Variants in CFI observed in about 807,000 individuals in gnomAD.
CFI encodes the protein complement factor I, also known as C3B/C4B inactivator.
Under a neutral mutation model 78.8 loss-of-function variants are expected in CFI, and 66 were observed. That is an observed-to-expected ratio of 0.84 (90% CI 0.69 to 1.03). The LOEUF is 1.03. Ranked by LOEUF, CFI falls within the 50% of genes least tolerant of loss-of-function variation. The pLI is 0.00. For synonymous variants in CFI, 250 were observed against 232.6 expected, an observed-to-expected ratio of 1.07 and a Z score of -0.68; for missense variants, 706 against 704.5, an observed-to-expected ratio of 1.00 and a Z score of -0.02.
intron 10 of CFI, 111 bp downstream of exon 10, chr4:109,749,107 T>C: frequency 3.2e-6 from 3 of 948,168 alleles, no homozygotes; most frequent in South Asian, 1.3e-5. Flanking sequence ...GCAATTAATA[T>C]AGTGGAGTTT....
intron 12 of CFI, among the ~76,000 whole-genome samples, chr4:109,741,580 C>T (rs972815517): frequency 3.3e-5 from 5 of 152,176 alleles, no homozygotes; most frequent in Admixed American, 2.6e-4. Context: ...AGCTAACAAA[C>T]GACAGGGCCT....
At chr4:109,785,700 C>T (rs1277620241) in intron 1 of CFI, among the ~76,000 whole-genome samples, 1 of 151,886 alleles carries the variant, frequency 6.6e-6, no homozygotes, top group African/African-American at 2.4e-5. Flanking sequence ...CCCCATAATC[C>T]CCATAATTCT....
intron 1 of CFI, among the ~76,000 whole-genome samples, chr4:109,777,059 AT>A (rs1366460187): frequency 6.6e-6 from 1 of 152,238 alleles, no homozygotes; most frequent in Non-Finnish European, 1.5e-5. Flanking sequence ...AAGAAACTGC[AT>A]CAACTAACGA....
At chr4:109,771,549 A>C (rs977043086) in intron 1 of CFI, among the ~76,000 whole-genome samples, 23 of 143,416 alleles carry the variant, frequency 1.6e-4, no homozygotes, top group African/African-American at 6.3e-4. Context: ...TACTAAAAAT[A>C]CAAAAAAAAA....
At chr4:109,732,039 T>C in the CFI span, among the ~76,000 whole-genome samples, 2 of 45,226 alleles carry the variant, frequency 4.4e-5, no homozygotes, top group East Asian at 7.4e-4. Flanking sequence ...TACAACTCCC[T>C]AGTCCAGGGA....
chr4:109,760,783 A>T (rs992073161), intron 4 of CFI, 147 bp from the exon 5 acceptor site: 1 of 661,114 alleles, frequency 1.5e-6, no homozygotes, highest in African/African-American at 1.8e-5. Context: ...AACATAGTAC[A>T]TATGACTCAT....
At chr4:109,734,686 C>T in the CFI span, among the ~76,000 whole-genome samples, 1 of 152,102 alleles carries the variant, frequency 6.6e-6, no homozygotes, top group Non-Finnish European at 1.5e-5. Flanking sequence ...TGCCTGTAAT[C>T]CCAGCTACTC....
At chr4:109,773,549 C>T (rs1374931936) in intron 1 of CFI, among the ~76,000 whole-genome samples, 1 of 152,092 alleles carries the variant, frequency 6.6e-6, no homozygotes. Context: ...GTGTTTTAGC[C>T]ACTGAGAGTT....
downstream of CFI, among the ~76,000 whole-genome samples, chr4:109,737,955 A>G (rs1723463912): frequency 6.6e-6 from 1 of 151,874 alleles, no homozygotes; most frequent in Non-Finnish European, 1.5e-5. Flanking sequence ...GCTGACTTTC[A>G]CCCTTCAAGG....
intron 1 of CFI, among the ~76,000 whole-genome samples, chr4:109,782,669 A>G (rs918652206): frequency 2.6e-5 from 4 of 152,050 alleles, no homozygotes; most frequent in Non-Finnish European, 5.9e-5. Context: ...CAGAATTAGA[A>G]AAAAAAATTC....
chr4:109,761,445 G>A, intron 4 of CFI, 72 bp downstream of exon 4: 7 of 1,430,370 alleles, frequency 4.9e-6, no homozygotes, highest in Non-Finnish European at 6.9e-6. Context: ...TCAATCATTT[G>A]TTTACTATAG....
chr4:109,754,434 C>CT (rs60975227), intron 7 of CFI, among the ~76,000 whole-genome samples: 32,101 of 134,588 alleles, frequency 0.24, 3,794 homozygotes, highest in Middle Eastern at 0.34. Flanking sequence ...AAAGAATCTT[C>CT]TTTTTTTTTT....
At chr4:109,799,106 G>A (rs1223739191) in intron 1 of CFI, among the ~76,000 whole-genome samples, 1 of 152,044 alleles carries the variant, frequency 6.6e-6, no homozygotes, top group Non-Finnish European at 1.5e-5. Flanking sequence ...ATCCTGCCCT[G>A]AGCATGTATG....
At chr4:109,748,626 C>G (rs1724762219) in intron 10 of CFI, among the ~76,000 whole-genome samples, 1 of 152,060 alleles carries the variant, frequency 6.6e-6, no homozygotes, top group Non-Finnish European at 1.5e-5. Context: ...ATGAAGGTCC[C>G]TTTGCAGGAG....
intron 6 of CFI, among the ~76,000 whole-genome samples, chr4:109,759,143 T>TA (rs1726697226): frequency 6.6e-6 from 1 of 151,564 alleles, no homozygotes; most frequent in South Asian, 2.1e-4. Flanking sequence ...ACCTTGCTCT[T>TA]AAAAAAAAGT....
intron 6 of CFI, among the ~76,000 whole-genome samples, chr4:109,758,666 G>A (rs971068745): frequency 1.3e-5 from 2 of 152,192 alleles, no homozygotes; most frequent in Admixed American, 6.5e-5. Context: ...AAACCATTAG[G>A]CAAAAGATTG....
At chr4:109,733,737 G>A in the CFI span, among the ~76,000 whole-genome samples, 1 of 152,240 alleles carries the variant, frequency 6.6e-6, no homozygotes, top group South Asian at 2.1e-4. Context: ...GGAGAATTGT[G>A]GAAGGAGAGG....
chr4:109,797,626 T>A (rs1732226025), intron 1 of CFI, among the ~76,000 whole-genome samples: 1 of 152,096 alleles, frequency 6.6e-6, no homozygotes. Flanking sequence ...AAAGACAACA[T>A]ATACAATGGA....
At chr4:109,754,183 C>T (rs1345902176) in intron 7 of CFI, among the ~76,000 whole-genome samples, 1 of 150,658 alleles carries the variant, frequency 6.6e-6, no homozygotes, top group Admixed American at 6.6e-5. Flanking sequence ...AGGGTTTTAC[C>T]ATATTGGTCA....
Sources: allele counts gnomAD v4.1 joint callset (sites outside exome capture counted in the v4.1 genomes callset), GRCh38; gene constraint gnomAD v4.1.1; transcripts MANE v1.5; gene names NCBI Gene and HGNC (gene_info 2026-07-23, HGNC 2026-07-21).